The following ALDH1A2 variants were observed in gnomAD, a reference collection of about 807,000 sequenced individuals.
ALDH1A2 encodes aldehyde dehydrogenase 1 family member A2, also known as retinal dehydrogenase 2.
A neutral mutation model predicts 60.3 loss-of-function variants in ALDH1A2; 27 were observed. The ratio of observed to expected loss-of-function variants is 0.45; its 90% CI spans 0.33 to 0.62. ALDH1A2 has a LOEUF of 0.62. Ranked by LOEUF, ALDH1A2 falls within the 20% of genes least tolerant of loss-of-function variation. The pLI, the probability that ALDH1A2 is intolerant of heterozygous loss-of-function variation, is 0.02. For missense variants in ALDH1A2, 581 were observed against 643.8 expected (o/e 0.90, Z 1.06); for synonymous variants, 289 against 232.4 (o/e 1.24, Z -2.21).
chr15:57,961,807 A>T (rs1367541555), intron 10 of ALDH1A2, among the ~76,000 whole-genome samples: 1 of 152,178 alleles, frequency 6.6e-6, no homozygotes, highest in Non-Finnish European at 1.5e-5. Flanking sequence ...AGCACATAGC[A>T]TGTCACCTGG....
chr15:57,964,097 C>A (rs754801022), intron 8 of ALDH1A2, 28 bp from the exon 9 acceptor site: 1 of 1,613,388 alleles, frequency 6.2e-7, no homozygotes. Flanking sequence ...CATGTTCTCA[C>A]CGCTTTGCCT....
intron 1 of ALDH1A2, among the ~76,000 whole-genome samples, chr15:58,064,716 G>A (rs899213447): frequency 2.0e-5 from 3 of 151,924 alleles, no homozygotes; most frequent in Non-Finnish European, 4.4e-5. Flanking sequence ...ATACCCCTAC[G>A]TTTGTAATCG....
intron 7 of ALDH1A2, among the ~76,000 whole-genome samples, chr15:57,967,287 A>T (rs1893929495): frequency 6.6e-6 from 1 of 151,950 alleles, no homozygotes; most frequent in East Asian, 1.9e-4. Flanking sequence ...AATACTATGT[A>T]CTTCAGAATT....
intron 1 of ALDH1A2, among the ~76,000 whole-genome samples, chr15:58,057,106 G>C (rs1471475579): frequency 6.6e-6 from 1 of 151,986 alleles, no homozygotes; most frequent in Non-Finnish European, 1.5e-5. Context: ...GGTATATGAG[G>C]AGACATGATC....
intron 9 of ALDH1A2, among the ~76,000 whole-genome samples, 176 bp from the exon 10 acceptor site, chr15:57,962,352 G>A (rs1468012637): frequency 1.3e-5 from 2 of 152,218 alleles, no homozygotes; most frequent in Admixed American, 6.5e-5. Context: ...TGGCAATTTT[G>A]TATGGTTAAT....
chr15:57,962,256 T>C, intron 9 of ALDH1A2, 80 bp from the exon 10 acceptor site: 1 of 1,549,734 alleles, frequency 6.5e-7, no homozygotes, highest in South Asian at 1.1e-5. Flanking sequence ...GAATCTTTCA[T>C]TTTAGGGTTT....
At chr15:57,970,971 C>T (rs1217556681) in intron 7 of ALDH1A2, among the ~76,000 whole-genome samples, 1 of 152,194 alleles carries the variant, frequency 6.6e-6, no homozygotes, top group Non-Finnish European at 1.5e-5. Flanking sequence ...CCAAATTAAT[C>T]TGTCCAGATT....
At chr15:58,058,574 T>G (rs1204386218) in intron 1 of ALDH1A2, among the ~76,000 whole-genome samples, 1 of 151,940 alleles carries the variant, frequency 6.6e-6, no homozygotes, top group Non-Finnish European at 1.5e-5. Flanking sequence ...ATATAACTTT[T>G]TAATATTTTG....
intron 7 of ALDH1A2, among the ~76,000 whole-genome samples, chr15:57,992,026 C>T (rs1894912986): frequency 3.3e-5 from 5 of 152,238 alleles, no homozygotes; most frequent in African/African-American, 1.2e-4. Flanking sequence ...CAAGCTAAAA[C>T]CAGTTTTTGC....
chr15:58,050,330 T>C (rs914333300), intron 1 of ALDH1A2, among the ~76,000 whole-genome samples: 1 of 152,072 alleles, frequency 6.6e-6, no homozygotes, highest in Admixed American at 6.6e-5. Context: ...CAGATAAAAA[T>C]CACCAATGAT....
rs930261446 is a variant in ALDH1A2 at position 57,992,639 on chromosome 15, T to G, written c.798+66A>C. On this transcript the variant is annotated intron_variant, in intron 7 of 12. Transcript: ENST00000249750. ...TCTAGCCTATGGGTACTAGTTTTAT[T>G]GTTTTTGTAACCCCTCAACTCATTT... 11 of 1,452,514 alleles carry G rather than the reference T, an allele frequency of 7.6e-6. No individual in the cohort carries two copies. The Admixed American group carries it at 1.8e-4, about 24-fold the overall frequency. 90.0% of individuals were successfully genotyped at this position (1,452,514 alleles called of 1,614,324 possible).
rs771486034 is a variant in ALDH1A2, at chr15:58,010,738, G to A, written c.404C>T (p.Ala135Val). 1.2e-6 allele frequency: 2 copies of A among 1,613,542 alleles called. No individual in the cohort carries two copies. The highest frequency in any genetic ancestry group is 1.7e-6 in the Non-Finnish European group (2 of 1,179,538). Residue 135 changes from alanine to valine, a missense_variant, in exon 4 of 13, where the codon GCT becomes GTT. Physicochemically the swap from Ala to Val is moderately conservative, Grantham distance 64. Coordinates refer to ENST00000249750, the MANE Select transcript of ALDH1A2 (RefSeq NM_003888.4). ...GACGCCCTGCAAATCCACATAAAAA[G>A]CTTGCAGGAATGGTTTGCCACCATT... is the stretch of plus-strand genomic sequence containing the variant. ...SLNGGKPFLQ[A>V]FYVDLQGVIK...
chr15:58,065,696 G>GCACAGCCCGCA lies in ALDH1A2; in HGVS notation c.-47_-46insTGCGGGCTGTG. 1 of 1,372,298 alleles carries GCACAGCCCGCA rather than the reference G, an allele frequency of 7.3e-7. No homozygotes were observed. Among genetic ancestry groups the GCACAGCCCGCA allele is most frequent in the South Asian group, 1.4e-5 (1 of 70,394 alleles). 85.0% of individuals were successfully genotyped at this position (1,372,298 alleles called of 1,614,324 possible). On this transcript the variant is annotated 5_prime_UTR_variant, in exon 1 of 13. Transcript: ENST00000249750. ...TAGCCCGCGGCGTGGGGCAGTGCGG[G>GCACAGCCCGCA]CTGTGCGCGCGGTCCGCGGCCCGGG...
intron 1 of ALDH1A2, among the ~76,000 whole-genome samples, chr15:58,033,434 T>G (rs934468394): frequency 9.2e-5 from 14 of 151,942 alleles, no homozygotes; most frequent in African/African-American, 3.1e-4. Context: ...GGTTTGGAAG[T>G]TGCACACTGT....
At chr15:58,030,156 C>G (rs529776808) in intron 1 of ALDH1A2, among the ~76,000 whole-genome samples, 23 of 152,278 alleles carry the variant, frequency 1.5e-4, no homozygotes, top group Admixed American at 5.9e-4. Context: ...TACTGGCAAA[C>G]CAAATCCAGC....
intron 7 of ALDH1A2, among the ~76,000 whole-genome samples, chr15:57,989,959 G>T (rs1894838744): frequency 1.8e-5 from 1 of 54,066 alleles, no homozygotes; most frequent in South Asian, 3.6e-4. Context: ...CGTCACTGCA[G>T]TCCGCAGTCC....
At chr15:58,013,050 G>A (rs941336832) in intron 3 of ALDH1A2, among the ~76,000 whole-genome samples, 4 of 152,180 alleles carry the variant, frequency 2.6e-5, no homozygotes, top group African/African-American at 4.8e-5. Context: ...ATTAGGGCAG[G>A]AGAAGTTCGT....
chr15:58,010,565 G>C (rs1044928613), intron 4 of ALDH1A2, 84 bp downstream of exon 4: 7 of 1,564,836 alleles, frequency 4.5e-6, no homozygotes, highest in South Asian at 3.4e-5. Context: ...TGTATTCTGT[G>C]TGACTGCTGT....
At chr15:58,049,411 A>G (rs534271779) in intron 1 of ALDH1A2, among the ~76,000 whole-genome samples, 2 of 152,170 alleles carry the variant, frequency 1.3e-5, no homozygotes, top group Non-Finnish European at 2.9e-5. Flanking sequence ...TAAGGATTAA[A>G]TAAGATATTG....
Sources: gnomAD v4.1 joint callset for allele counts (sites outside exome capture counted in the v4.1 genomes callset) on GRCh38, gnomAD v4.1.1 for gene constraint, MANE v1.5 for transcripts, NCBI Gene and HGNC (gene_info 2026-07-23, HGNC 2026-07-21) for gene names.